KAT6B: variants seen among roughly 807,000 people sequenced by gnomAD.
The protein encoded by KAT6B is lysine acetyltransferase 6B, also known as histone acetyltransferase KAT6B.
Under a neutral mutation model 187.5 loss-of-function variants are expected in KAT6B, and 10 were observed. The observed-to-expected ratio is 0.05, with a 90% CI of 0.03 to 0.09. KAT6B has a LOEUF of 0.09. Among genes scored for constraint, KAT6B ranks in the 10% least tolerant of loss-of-function variants. The pLI is 1.00. For missense variants in KAT6B, 1,952 were observed against 2,558.9 expected (o/e 0.76, Z 5.12); for synonymous variants, 861 against 926.8 (o/e 0.93, Z 1.29).
chr10:74,876,936 G>T (rs1844457334), intron 3 of KAT6B, among the ~76,000 whole-genome samples: 1 of 151,820 alleles, frequency 6.6e-6, no homozygotes, highest in Non-Finnish European at 1.5e-5. Flanking sequence ...ATAAAATAAA[G>T]AAAACTTTTT....
intron 7 of KAT6B, among the ~76,000 whole-genome samples, chr10:74,973,487 A>G (rs1471469403): frequency 1.3e-5 from 2 of 152,230 alleles, no homozygotes; most frequent in East Asian, 1.9e-4. Context: ...TGAAAGGGTC[A>G]TTGTGATGGA....
chr10:74,851,594 G>T (rs1007483736), intron 3 of KAT6B, among the ~76,000 whole-genome samples: 4 of 152,092 alleles, frequency 2.6e-5, no homozygotes, highest in Admixed American at 2.0e-4. Context: ...GCCTCCCAAA[G>T]TGCTGGGATT....
intron 13 of KAT6B, among the ~76,000 whole-genome samples, chr10:74,996,089 A>G (rs999310372): frequency 6.6e-6 from 1 of 152,234 alleles, no homozygotes; most frequent in Non-Finnish European, 1.5e-5. Flanking sequence ...GTTTGTGTAT[A>G]TGCATTTATC....
intron 12 of KAT6B, among the ~76,000 whole-genome samples, chr10:74,988,428 T>A (rs1842943717): frequency 6.6e-6 from 1 of 152,250 alleles, no homozygotes; most frequent in Non-Finnish European, 1.5e-5. Context: ...GTTGTTGTCT[T>A]TTTGTTTCAT....
At chr10:75,007,967 A>G (rs1771348189) in intron 13 of KAT6B, among the ~76,000 whole-genome samples, 1 of 152,204 alleles carries the variant, frequency 6.6e-6, no homozygotes, top group South Asian at 2.1e-4. Context: ...TTGCAGAGCC[A>G]TTTTTATGTG....
chr10:74,894,323 C>T (rs1207390715), intron 3 of KAT6B, among the ~76,000 whole-genome samples: 1 of 152,150 alleles, frequency 6.6e-6, no homozygotes, highest in Non-Finnish European at 1.5e-5. Context: ...CTCAAGTGAT[C>T]CACCCACCTC....
intron 3 of KAT6B, among the ~76,000 whole-genome samples, chr10:74,918,611 T>G (rs1847887048): frequency 6.6e-6 from 1 of 151,970 alleles, no homozygotes; most frequent in Non-Finnish European, 1.5e-5. Flanking sequence ...GGTGTGGTGG[T>G]GGGCCCTTGT....
At chr10:75,014,095 T>C (rs1844808664) in intron 13 of KAT6B, among the ~76,000 whole-genome samples, 1 of 152,216 alleles carries the variant, frequency 6.6e-6, no homozygotes. Context: ...CCTTTTTACT[T>C]TCATTTTCTC....
intron 3 of KAT6B, among the ~76,000 whole-genome samples, chr10:74,881,382 G>A (rs1394913454): frequency 6.6e-6 from 1 of 152,126 alleles, no homozygotes; most frequent in Non-Finnish European, 1.5e-5. Flanking sequence ...CTTCACTGAG[G>A]TAATCTGTAT....
intron 11 of KAT6B, 96 bp from the exon 12 acceptor site, chr10:74,984,983 TA>T: frequency 8.8e-7 from 1 of 1,134,350 alleles, no homozygotes; most frequent in Non-Finnish European, 1.3e-6. Context: ...GATTTGGAAA[TA>T]AAATGATGTA....
At chr10:75,021,307 C>G (rs954427491) in intron 15 of KAT6B, 22 bp downstream of exon 15, 19 of 1,611,780 alleles carry the variant, frequency 1.2e-5, no homozygotes, top group Non-Finnish European at 1.5e-5. Context: ...CTTTATCATC[C>G]TAAGTTGTGT....
At chr10:74,891,307 C>T (rs1245672458) in intron 3 of KAT6B, among the ~76,000 whole-genome samples, 2 of 152,234 alleles carry the variant, frequency 1.3e-5, no homozygotes, top group Non-Finnish European at 2.9e-5. Context: ...CTGGTTTTGG[C>T]TCTGCACATG....
At chr10:74,934,393 TAA>T (rs1849097500) in intron 3 of KAT6B, among the ~76,000 whole-genome samples, 1 of 152,296 alleles carries the variant, frequency 6.6e-6, no homozygotes, top group Admixed American at 6.5e-5. Flanking sequence ...TAAAATCCAC[TAA>T]ACTCAGCACC....
chr10:74,853,711 T>C (rs1209837390), intron 3 of KAT6B, among the ~76,000 whole-genome samples: 1 of 145,464 alleles, frequency 6.9e-6, no homozygotes, highest in Non-Finnish European at 1.5e-5. Context: ...CACTGCAACC[T>C]CCGCCTCCCA....
chr10:74,918,724 C>A (rs1472277670), intron 3 of KAT6B, among the ~76,000 whole-genome samples: 1 of 151,968 alleles, frequency 6.6e-6, no homozygotes, highest in Non-Finnish European at 1.5e-5. Context: ...ACCTGGGTGA[C>A]AAGAGTGAAA....
intron 3 of KAT6B, among the ~76,000 whole-genome samples, chr10:74,937,624 A>G (rs1295480907): frequency 6.6e-6 from 1 of 152,212 alleles, no homozygotes; most frequent in Non-Finnish European, 1.5e-5. Flanking sequence ...ATAACTAGAG[A>G]CAGGGTAATG....
In KAT6B at chr10:74,941,080, T is replaced by A. The variant is rs531368909; in HGVS notation, c.622-18890T>A. ...GTAATTCATCAGAATCAGGTTAAGATTCTTCGCACCTGGTTAAAAAGCACT... is the reference window on the plus strand; with the variant it reads ...GTAATTCATCAGAATCAGGTTAAGAATCTTCGCACCTGGTTAAAAAGCACT... On this transcript the variant is annotated intron_variant, in intron 3 of 17. Coordinates refer to ENST00000287239, the MANE Select transcript of KAT6B (RefSeq NM_012330.4). Among the ~76,000 whole-genome samples the A allele has an allele frequency of 6.9e-4, 105 of 152,308 alleles. 1 individual carries two copies. The highest frequency in any genetic ancestry group is 3.4e-3 in the Middle Eastern group (1 of 294).
chr10:74,956,087 C>G (rs1014662283), intron 3 of KAT6B, among the ~76,000 whole-genome samples: 5 of 152,124 alleles, frequency 3.3e-5, no homozygotes, highest in African/African-American at 1.2e-4. Flanking sequence ...CCATGCCTGC[C>G]TAATTTTTTT....
At chr10:74,885,542 T>G (rs1030480993) in intron 3 of KAT6B, among the ~76,000 whole-genome samples, 5 of 152,180 alleles carry the variant, frequency 3.3e-5, no homozygotes, top group Admixed American at 6.5e-5. Context: ...ATGCTAGATA[T>G]GAACTTTGGG....
Sources: gnomAD v4.1 joint callset for allele counts (sites outside exome capture counted in the v4.1 genomes callset) on GRCh38, gnomAD v4.1.1 for gene constraint, MANE v1.5 for transcripts, NCBI Gene and HGNC (gene_info 2026-07-23, HGNC 2026-07-21) for gene names.